Variants in SHISAL1 observed in about 807,000 individuals in gnomAD.
SHISAL1 encodes the protein shisa like 1.
In SHISAL1, 9 loss-of-function variants were observed where a neutral mutation model predicts 22.6. The ratio of observed to expected loss-of-function variants is 0.40; its 90% CI spans 0.24 to 0.70. The LOEUF (loss-of-function observed/expected upper bound fraction) is 0.70, where lower values mean the gene tolerates loss of function less well. Ranked by LOEUF, SHISAL1 falls within the 30% of genes least tolerant of loss-of-function variation. The pLI is 0.39. For missense variants in SHISAL1, 246 were observed against 270.6 expected, an observed-to-expected ratio of 0.91 and a Z score of 0.64; for synonymous variants, 119 against 115.4, an observed-to-expected ratio of 1.03 and a Z score of -0.20.
At position 44,244,827 on chromosome 22, in the gene SHISAL1, T is replaced by C. The variant is rs2054984936; in HGVS notation, c.*4858A>G. ...TCGAATGAGTTTTCTAGGAGGCTCC[T>C]CACCTCTTCTAGCTTGCCTGACTGC... On this transcript the variant is annotated 3_prime_UTR_variant, in exon 5 of 5. Coordinates refer to ENST00000381176, the MANE Select transcript of SHISAL1 (RefSeq NM_001099294.2). 6.6e-6 allele frequency: 1 copy of C among 152,234 alleles called. No homozygotes were observed. The highest frequency in any genetic ancestry group is 1.5e-5 in the Non-Finnish European group (1 of 68,050). The allele number at this position is 152,234 out of a possible 1,614,324, so 9.4% of individuals were successfully genotyped here.
intron 4 of SHISAL1, among the ~76,000 whole-genome samples, chr22:44,253,031 G>T (rs2055059657): frequency 6.6e-6 from 1 of 151,854 alleles, no homozygotes; most frequent in African/African-American, 2.4e-5. Context: ...AAGGGCAGAT[G>T]ATTTTTACAA....
intron 4 of SHISAL1, among the ~76,000 whole-genome samples, chr22:44,276,128 G>A (rs1293472628): frequency 6.6e-6 from 1 of 152,232 alleles, no homozygotes; most frequent in Non-Finnish European, 1.5e-5. Context: ...GCTGAAGGAG[G>A]ACAAAGGGAC....
chr22:44,305,391 C>T (rs1225821401), intron 1 of SHISAL1, among the ~76,000 whole-genome samples: 1 of 152,220 alleles, frequency 6.6e-6, no homozygotes, highest in Non-Finnish European at 1.5e-5. Flanking sequence ...CCATGAGGGT[C>T]CTGGCCAGGG....
intron 4 of SHISAL1, among the ~76,000 whole-genome samples, chr22:44,276,011 C>T (rs2055237175): frequency 6.6e-6 from 1 of 152,194 alleles, no homozygotes. Flanking sequence ...CAGCTGAGCA[C>T]AAGAAACACC....
intron 2 of SHISAL1, among the ~76,000 whole-genome samples, chr22:44,297,768 T>C (rs989158968): frequency 1.3e-5 from 2 of 152,396 alleles, no homozygotes; most frequent in Non-Finnish European, 2.9e-5. Context: ...TCAGGCTTAA[T>C]TAGTATCTTC....
rs982175430 is a variant in SHISAL1 at position 44,302,946 on chromosome 22, G to C, written c.-32-1969C>G. The stretch of plus-strand genomic sequence containing the variant: ...GCAGTGAGGAGGCAGCAGGGGCAAA[G>C]ACCCTGGGGTTGGGGTATCAGCAGG... On this transcript the variant is annotated intron_variant, in intron 1 of 4. Transcript: ENST00000381176. Among the ~76,000 whole-genome samples, 6 of 127,898 alleles carry C rather than the reference G, an allele frequency of 4.7e-5. 1 individual carries two copies. Among genetic ancestry groups the C allele is most frequent in the African/African-American group, 2.4e-4 (6 of 25,102 alleles). 83.9% of individuals were successfully genotyped at this position (127,898 alleles called of 152,430 possible). A position where few individuals can be genotyped will look rare whatever the true frequency, so the allele number is the denominator to read the frequency against.
intron 3 of SHISAL1, among the ~76,000 whole-genome samples, chr22:44,286,872 T>G (rs1348009373): frequency 6.6e-6 from 1 of 152,188 alleles, no homozygotes; most frequent in African/African-American, 2.4e-5. Context: ...TGTTAATCAC[T>G]CCGGCGCCGC....
At chr22:44,292,857 G>A (rs1467763430) in intron 3 of SHISAL1, among the ~76,000 whole-genome samples, 1 of 152,218 alleles carries the variant, frequency 6.6e-6, no homozygotes, top group Non-Finnish European at 1.5e-5. Context: ...CCCCTCAGTG[G>A]GGTCCAGGTC....
At chr22:44,296,287 G>A (rs529020636) in intron 3 of SHISAL1, among the ~76,000 whole-genome samples, 3 of 152,204 alleles carry the variant, frequency 2.0e-5, no homozygotes, top group South Asian at 2.1e-4. Context: ...AGCCTCCTGA[G>A]TAGCTGGGAT....
chr22:44,253,476 T>C (rs2055063467), intron 4 of SHISAL1, among the ~76,000 whole-genome samples: 1 of 147,878 alleles, frequency 6.8e-6, no homozygotes. Flanking sequence ...TCGCCCAGGC[T>C]GGAGTGCAAT....
At position 44,268,104 on chromosome 22, in the gene SHISAL1, G is replaced by A. The variant is rs116473395; in HGVS notation, c.599+17324C>T. Among the ~76,000 whole-genome samples, 731 of 152,272 alleles carry A rather than the reference G, an allele frequency of 4.8e-3. 10 individuals are homozygous for A. The highest frequency in any genetic ancestry group is 0.017 in the African/African-American group (703 of 41,546). On this transcript the variant is annotated intron_variant, in intron 4 of 4. Transcript: ENST00000381176. ...CTGTCACTTTACCCTCCTGATGTTC[G>A]GTCACTTCTCAGGGAACTTAGGGCC...
At chr22:44,276,127 G>C (rs1218952531) in intron 4 of SHISAL1, among the ~76,000 whole-genome samples, 1 of 152,216 alleles carries the variant, frequency 6.6e-6, no homozygotes, top group Non-Finnish European at 1.5e-5. Context: ...AGCTGAAGGA[G>C]GACAAAGGGA....
rs11473448 is a variant in SHISAL1, at chr22:44,266,528, A to ATGTGTGTGTGTGTGTGTGTGTG, written c.*-16865_*-16844dup. Among the ~76,000 whole-genome samples the ATGTGTGTGTGTGTGTGTGTGTG allele has an allele frequency of 7.9e-3, 861 of 108,312 alleles. 9 individuals carry two copies. Among genetic ancestry groups the ATGTGTGTGTGTGTGTGTGTGTG allele is most frequent in the Non-Finnish European group, 0.011 (613 of 56,710 alleles). The allele number at this position is 108,312 out of a possible 152,430, so 71.1% of individuals were successfully genotyped here. ...ATGTGTGTGTTGGGGGCTTTGGGGT[A>ATGTGTGTGTGTGTGTGTGTGTG]TGTGTGTGTGTGTGTGTGTGTGTGT... On this transcript the variant is annotated intron_variant, in intron 4 of 4. Transcript: ENST00000381176.
At chr22:44,295,715 C>T (rs1304298020) in intron 3 of SHISAL1, among the ~76,000 whole-genome samples, 1 of 152,040 alleles carries the variant, frequency 6.6e-6, no homozygotes, top group Non-Finnish European at 1.5e-5. Flanking sequence ...ACAAAAACTT[C>T]AATAGAAAAA....
Position 44,266,236 on chromosome 22 carries a change from T to C in SHISAL1, c.*-16551A>G, listed in dbSNP as rs1474892420. 5.3e-5 allele frequency among the ~76,000 whole-genome samples: 8 copies of C among 152,108 alleles called. No individual in the cohort carries two copies. The East Asian group carries it at 1.5e-3, about 29-fold the overall frequency. ...TGGCACACAGAAAGCACTCAAGAAA[T>C]GTATATCCTATTGAGTCGGGAGAAA... On this transcript the variant is annotated intron_variant, in intron 4 of 4. Transcript: ENST00000381176.
chr22:44,254,166 C>T (rs2055068873), intron 4 of SHISAL1, among the ~76,000 whole-genome samples: 1 of 151,902 alleles, frequency 6.6e-6, no homozygotes, highest in Non-Finnish European at 1.5e-5. Context: ...CTAAGAGGAA[C>T]ATACATAGCC....
intron 4 of SHISAL1, among the ~76,000 whole-genome samples, chr22:44,255,487 T>C (rs2055078244): frequency 6.6e-6 from 1 of 152,186 alleles, no homozygotes; most frequent in Admixed American, 6.5e-5. Context: ...CTTCTTCCTT[T>C]CATACCCCAT....
At chr22:44,285,147 T>C (rs1277619138) in intron 4 of SHISAL1, among the ~76,000 whole-genome samples, 3 of 152,224 alleles carry the variant, frequency 2.0e-5, no homozygotes, top group East Asian at 1.9e-4. Flanking sequence ...AAAACTCCAC[T>C]AAATGTTTAG....
In SHISAL1 at chr22:44,285,509, G is replaced by A. The variant is rs1162983745; in HGVS notation, c.518C>T (p.Pro173Leu). The A allele has an allele frequency of 6.2e-7, 1 of 1,613,772 alleles. No individual in the cohort carries two copies. The highest frequency in any genetic ancestry group is 1.7e-5 in the Admixed American group (1 of 60,002). ...TGTGTGCACGGCCTGTGGGGCTTGT[G>A]GCAGCGGGCCTGGGGGAGGCTGCGG... ...PQPQPPPGPLPQAPQAVHTLR... is the reference protein window; with the variant it reads ...PQPQPPPGPLLQAPQAVHTLR... Residue 173 changes from proline (P) to leucine (L), a missense_variant, in exon 4 of 5, where the codon CCA becomes CTA. By Grantham distance (98) the Pro-to-Leu change is moderately conservative. This residue lies in a region of SHISAL1 where 136 missense variants were observed against 117.5 expected (regional missense o/e 1.16). Transcript: ENST00000381176.
Sources: gnomAD v4.1 joint callset for allele counts (sites outside exome capture counted in the v4.1 genomes callset) on GRCh38, gnomAD v4.1.1 for gene constraint, gnomAD v4.1.1 regional missense constraint, MANE v1.5 for transcripts, NCBI Gene and HGNC (gene_info 2026-07-23, HGNC 2026-07-21) for gene names.